The following SAMD9 variants were observed in gnomAD, a reference collection of about 807,000 sequenced individuals.
The protein encoded by SAMD9 is sterile alpha motif domain containing 9.
SAMD9 carries 3 observed loss-of-function variants against 1.5 expected under a neutral mutation model. That is an observed-to-expected ratio of 2.05 (90% CI 0.93 to 5.29). SAMD9 has a LOEUF of 5.29. Ranked by LOEUF, SAMD9 falls within the 30% of genes most tolerant of loss-of-function variation. SAMD9 has a pLI of 0.02. For missense variants in SAMD9, 1,597 were observed against 1,820.8 expected (o/e 0.88, Z 2.24); for synonymous variants, 635 against 631.9 (o/e 1.00, Z -0.07).
intron 2 of SAMD9, among the ~76,000 whole-genome samples, chr7:93,112,117 G>C (rs1198844571): frequency 5.9e-5 from 9 of 152,128 alleles, no homozygotes; most frequent in Non-Finnish European, 8.8e-5. Context: ...ATGATCAAGT[G>C]GGCTTCATCA....
Position 93,105,123 on chromosome 7 carries a change from C to T in SAMD9, c.975G>A (p.Met325Ile). 6.2e-7 allele frequency: 1 copy of T among 1,613,576 alleles called. No individual in the cohort carries two copies. The highest frequency in any genetic ancestry group is 8.5e-7 in the Non-Finnish European group (1 of 1,179,830). Residue 325 changes from methionine (M) to isoleucine (I), a missense_variant, in exon 3 of 3, where the codon ATG (methionine) becomes ATA (isoleucine). Met to Ile is a conservative substitution (Grantham distance 10). Around this residue, in one of 6 missense-constraint regions of SAMD9, gnomAD observed 498 missense variants for 457.4 expected, o/e 1.09. Transcript: ENST00000379958. Reference sequence around the variant, plus strand: ...CCCATATTTTGTTGTTGTAATTTTGCATTTTAATCTGGAAATAATCATATT... The same window carrying T: ...CCCATATTTTGTTGTTGTAATTTTGTATTTTAATCTGGAAATAATCATATT... ...ECQYDYFQIK[M>I]QNYNNKIWEQ... is the part of the protein sequence containing the mutation.
At chr7:93,110,040 T>C (rs1026394479) in intron 2 of SAMD9, among the ~76,000 whole-genome samples, 5 of 152,156 alleles carry the variant, frequency 3.3e-5, no homozygotes, top group Non-Finnish European at 5.9e-5. Context: ...GGAAAAAATA[T>C]TAAGGGCAGC....
In SAMD9 at chr7:93,105,672, G is replaced by A. The variant is rs1310059821; in HGVS notation, c.426C>T (p.Leu142=). Residue 142 remains leucine (L), a synonymous_variant, in exon 3 of 3, where the codon CTC becomes CTT. Coordinates refer to ENST00000379958, the MANE Select transcript of SAMD9 (RefSeq NM_017654.4). ...AKGSKSLKVE[L]IEDKIDYTKE... is the part of the protein sequence containing the mutation. Reference sequence around the variant, plus strand: ...TTGTATAATCTATTTTATCTTCTATGAGCTCAACTTTTAGTGACTTAGAAC... The same window carrying A: ...TTGTATAATCTATTTTATCTTCTATAAGCTCAACTTTTAGTGACTTAGAAC... 3.7e-6 allele frequency: 6 copies of A among 1,613,950 alleles called. No individual in the cohort carries two copies. The highest frequency in any genetic ancestry group is 4.2e-6 in the Non-Finnish European group (5 of 1,180,006).
At position 93,104,690 on chromosome 7, in the gene SAMD9, C is replaced by T. The variant is rs1018187277; in HGVS notation, c.1408G>A (p.Val470Ile). The T allele has an allele frequency of 6.2e-7, 1 of 1,613,998 alleles. No individual in the cohort carries two copies. The highest frequency in any genetic ancestry group is 1.7e-5 in the Admixed American group (1 of 60,012). The stretch of plus-strand genomic sequence containing the variant: ...TCATTTGGTGTGGTTTTCTGTTCTA[C>T]ATATACACTTGGAAAGTGAAGGTTT... ...VANLHFPSVY[V>I]EQKTTPNETI... The change falls in exon 3 of 3, where the codon GTA (valine) becomes ATA (isoleucine). Residue 470 changes from valine to isoleucine, a missense_variant. Physicochemically the swap from Val to Ile is conservative, Grantham distance 29 (BLOSUM62 3). This residue lies in a region of SAMD9 where 358 missense variants were observed against 460.4 expected (regional missense o/e 0.78). Coordinates refer to ENST00000379958, the MANE Select transcript of SAMD9 (RefSeq NM_017654.4).
intron 2 of SAMD9, among the ~76,000 whole-genome samples, chr7:93,108,444 C>A (rs75211708): frequency 6.6e-6 from 1 of 152,170 alleles, no homozygotes; most frequent in Admixed American, 6.5e-5. Context: ...GTTCATCTCA[C>A]TGGGGCTTGT....
chr7:93,109,478 T>C (rs918402827), intron 2 of SAMD9, among the ~76,000 whole-genome samples: 1 of 151,936 alleles, frequency 6.6e-6, no homozygotes, highest in African/African-American at 2.4e-5. Context: ...AGAGAAGAAG[T>C]CTTCAAACGA....
At position 93,105,789 on chromosome 7, in the gene SAMD9, T is replaced by C. The variant is rs1300880155; in HGVS notation, c.309A>G (p.Gln103=). The C allele has an allele frequency of 1.2e-5, 19 of 1,614,174 alleles. No homozygotes were observed. Among genetic ancestry groups the C allele is most frequent in the Non-Finnish European group, 1.6e-5 (19 of 1,180,022 alleles). ...KNAPKDQTVS[Q]KERRETSKQK... ...GCTTTGAAGTTTCTCTACGTTCCTT[T>C]TGAGACACAGTTTGGTCTTTAGGAG... The change falls in exon 3 of 3, where the codon CAA becomes CAG. Residue 103 remains glutamine (Q), a synonymous_variant. Transcript: ENST00000379958.
At position 93,102,445 on chromosome 7, in the gene SAMD9, T is replaced by C; in HGVS notation, c.3653A>G (p.Asp1218Gly). ...TCTTTTAGATAGCTCATTTTTATTA[T>C]CAAAAAAAGGAATGAGCTGGAGAAT... ...IQILQLIPFFDNKNELSKRYM... is the reference protein window; with the variant it reads ...IQILQLIPFFGNKNELSKRYM... The change falls in exon 3 of 3, where the codon GAT becomes GGT. Residue 1218 changes from aspartate (D) to glycine (G), a missense_variant. Asp to Gly is a moderately conservative substitution (Grantham distance 94). Transcript: ENST00000379958. 6.2e-7 allele frequency: 1 copy of C among 1,613,522 alleles called. No individual in the cohort carries two copies. Among genetic ancestry groups the C allele is most frequent in the Non-Finnish European group, 8.5e-7 (1 of 1,179,644 alleles).
intron 1 of SAMD9, among the ~76,000 whole-genome samples, chr7:93,115,527 G>A (rs899683756): frequency 2.0e-5 from 3 of 152,106 alleles, no homozygotes; most frequent in African/African-American, 4.8e-5. Flanking sequence ...GACTGATGTT[G>A]GGGGGTGGAT....
chr7:93,099,536 T>G lies in SAMD9; in HGVS notation c.*1792A>C, dbSNP rs1383495002. On this transcript the variant is annotated 3_prime_UTR_variant, in exon 3 of 3. Transcript: ENST00000379958. The stretch of plus-strand genomic sequence containing the variant: ...CCATAAATAATATACAATTTTTATT[T>G]GTCAATTAGAAAGTAACAATAAAGA... The G allele has an allele frequency of 1.3e-5, 2 of 152,200 alleles. No individual in the cohort carries two copies. The highest frequency in any genetic ancestry group is 2.9e-5 in the Non-Finnish European group (2 of 68,042). The allele number at this position is 152,200 out of a possible 1,614,324, so 9.4% of individuals were successfully genotyped here.
intron 2 of SAMD9, among the ~76,000 whole-genome samples, chr7:93,111,797 GA>G (rs1791749476): frequency 6.6e-6 from 1 of 152,180 alleles, no homozygotes; most frequent in Non-Finnish European, 1.5e-5. Context: ...AACAGGTTCT[GA>G]AATTGAGGCA....
chr7:93,107,014 A>C (rs1000492168), intron 2 of SAMD9, among the ~76,000 whole-genome samples: 1 of 150,440 alleles, frequency 6.6e-6, no homozygotes, highest in Non-Finnish European at 1.5e-5. Flanking sequence ...TGTGTTGACC[A>C]CCTCTTTGTT....
chr7:93,112,522 G>C (rs1388829509), intron 2 of SAMD9, among the ~76,000 whole-genome samples: 1 of 152,192 alleles, frequency 6.6e-6, no homozygotes, highest in Non-Finnish European at 1.5e-5. Flanking sequence ...AATTGTCCCT[G>C]TTTGCAGATG....
Position 93,104,181 on chromosome 7 carries a change from A to G in SAMD9, c.1917T>C (p.Thr639=). ...KRLLPSIGLS[T]VLLKKEEDIM... is the part of the protein sequence containing the mutation. ...TATCTTCTTCCTTTTTCAGAAGGAC[A>G]GTCGATAAACCAATAGATGGCAAAA... Residue 639 remains threonine (T), a synonymous_variant, in exon 3 of 3, where the codon ACT becomes ACC. Transcript: ENST00000379958. 6.2e-7 allele frequency: 1 copy of G among 1,613,960 alleles called. No individual in the cohort carries two copies. The highest frequency in any genetic ancestry group is 8.5e-7 in the Non-Finnish European group (1 of 1,179,840).
intron 2 of SAMD9, among the ~76,000 whole-genome samples, chr7:93,112,156 C>A (rs1004663527): frequency 6.6e-6 from 1 of 152,186 alleles, no homozygotes; most frequent in Non-Finnish European, 1.5e-5. Flanking sequence ...TCAACATACA[C>A]AAATCAATAA....
chr7:93,102,003 T>C lies in SAMD9; in HGVS notation c.4095A>G (p.Ile1365Met), dbSNP rs896918681. 1.9e-6 allele frequency: 3 copies of C among 1,613,596 alleles called. No individual in the cohort carries two copies. The African/African-American group carries it at 4.0e-5, about 22-fold the overall frequency. ...QEDAISTMKC[I>M]VNEYTFLLEQ... ...CTAAGAGAAAAGTATATTCGTTCACTATACATTTCATAGTGCTTATAGCAT... is the reference window on the plus strand; with the variant it reads ...CTAAGAGAAAAGTATATTCGTTCACCATACATTTCATAGTGCTTATAGCAT... Residue 1365 changes from isoleucine (I) to methionine (M), a missense_variant, in exon 3 of 3, where the codon ATA becomes ATG. This residue lies in a region of SAMD9 where 682 missense variants were observed against 810.0 expected (regional missense o/e 0.84). Coordinates refer to ENST00000379958, the MANE Select transcript of SAMD9 (RefSeq NM_017654.4).
chr7:93,111,365 A>G (rs964150520), intron 2 of SAMD9, among the ~76,000 whole-genome samples: 48 of 152,338 alleles, frequency 3.2e-4, no homozygotes, highest in Non-Finnish European at 5.6e-4. Flanking sequence ...GAAAGATCTA[A>G]AATTGACACC....
Position 93,103,531 on chromosome 7 carries a change from T to G in SAMD9, c.2567A>C (p.Gln856Pro). Residue 856 changes from glutamine to proline, a missense_variant, in exon 3 of 3, where the codon CAA (glutamine) becomes CCA (proline). This residue lies in a region of SAMD9 where 55 missense variants were observed against 58.6 expected (regional missense o/e 0.94). Transcript: ENST00000379958. ...AGCTCTCTGTTCTTTGGGAGAGAGT[T>G]GCTGTATTACGGCAATACTGTCTGG... is the stretch of plus-strand genomic sequence containing the variant. ...RIPDSIAVIQ[Q>P]LSPKEQRAFE... The G allele has an allele frequency of 6.2e-7, 1 of 1,613,804 alleles. No individual in the cohort carries two copies. The highest frequency in any genetic ancestry group is 8.5e-7 in the Non-Finnish European group (1 of 1,179,764).
In SAMD9 at chr7:93,102,419, A is replaced by T. The variant is rs373722071; in HGVS notation, c.3679T>A (p.Tyr1227Asn). 2 of 1,612,942 alleles carry T rather than the reference A, an allele frequency of 1.2e-6. No homozygotes were observed. Among genetic ancestry groups the T allele is most frequent in the Non-Finnish European group, 1.7e-6 (2 of 1,179,054 alleles). ...CTTCCTGATACAAAATTGACCATAT[A>T]TCTTTTAGATAGCTCATTTTTATTA... ...FDNKNELSKR[Y>N]MVNFVSGSSD... Residue 1227 changes from tyrosine to asparagine, a missense_variant, in exon 3 of 3, where the codon TAT becomes AAT. Transcript: ENST00000379958.
Sources: gnomAD v4.1 joint callset for allele counts (sites outside exome capture counted in the v4.1 genomes callset) on GRCh38, gnomAD v4.1.1 for gene constraint, gnomAD v4.1.1 regional missense constraint, MANE v1.5 for transcripts, NCBI Gene and HGNC (gene_info 2026-07-23, HGNC 2026-07-21) for gene names.